The following SPOCK3 variants were observed in gnomAD, a reference collection of about 807,000 sequenced individuals.
SPOCK3 encodes testican-3.
SPOCK3 carries 30 observed loss-of-function variants against 56.6 expected under a neutral mutation model. The observed-to-expected ratio is 0.53, with a 90% CI of 0.40 to 0.72. The LOEUF (loss-of-function observed/expected upper bound fraction) is 0.72. SPOCK3 is among the 30% of genes least tolerant of loss of function. The pLI, the probability that SPOCK3 is intolerant of heterozygous loss-of-function variation, is 0.00. For synonymous variants in SPOCK3, 196 were observed against 183.3 expected (o/e 1.07, Z -0.56); for missense variants, 527 against 530.0 (o/e 0.99, Z 0.06).
chr4:166,973,761 G>A (rs1896478), intron 4 of SPOCK3, among the ~76,000 whole-genome samples: 96,386 of 151,976 alleles, frequency 0.63, 32,994 homozygotes, highest in East Asian at 0.85. Flanking sequence ...TTTAATGGCC[G>A]CTAGAAAAGA....
chr4:166,751,567 ATATGAATAAAC>A (rs1736378415), intron 8 of SPOCK3, among the ~76,000 whole-genome samples: 1 of 152,180 alleles, frequency 6.6e-6, no homozygotes, highest in South Asian at 2.1e-4. Context: ...AAGTTATTGA[ATATGAATAAAC>A]TTCAGTCCTT....
chr4:166,909,230 T>A (rs1736982774), intron 5 of SPOCK3, among the ~76,000 whole-genome samples: 2 of 152,132 alleles, frequency 1.3e-5, no homozygotes, highest in Admixed American at 6.6e-5. Flanking sequence ...GCTGATTAAC[T>A]TCAAAGCTTG....
chr4:166,899,496 ATTTC>A lies in SPOCK3; in HGVS notation c.475-10256_475-10253del, dbSNP rs1423694794. ...ACAAAGTTTGGCATCTGTTCAGTGT[ATTTC>A]TTTCTTTCTTTTTTTTTTTTTTTTG... On this transcript the variant is annotated intron_variant, in intron 5 of 10. Coordinates refer to ENST00000357545, the MANE Select transcript of SPOCK3 (RefSeq NM_001040159.2). 6.1e-5 allele frequency among the ~76,000 whole-genome samples: 6 copies of A among 98,636 alleles called. No individual in the cohort carries two copies. The South Asian group carries it at 1.6e-3, about 26-fold the overall frequency. 64.7% of individuals were successfully genotyped at this position (98,636 alleles called of 152,430 possible).
At chr4:166,970,864 C>A (rs1011239416) in intron 4 of SPOCK3, among the ~76,000 whole-genome samples, 1 of 152,124 alleles carries the variant, frequency 6.6e-6, no homozygotes, top group Non-Finnish European at 1.5e-5. Context: ...ACTCCAACTA[C>A]AGTCATATGA....
intron 4 of SPOCK3, among the ~76,000 whole-genome samples, chr4:166,975,208 C>A (rs1745810535): frequency 6.6e-6 from 1 of 152,122 alleles, no homozygotes; most frequent in Admixed American, 6.6e-5. Flanking sequence ...TATAAATTAT[C>A]CAGTCTCATG....
intron 4 of SPOCK3, among the ~76,000 whole-genome samples, chr4:166,980,244 A>G (rs748569712): frequency 1.8e-4 from 27 of 152,228 alleles, no homozygotes; most frequent in Middle Eastern, 3.2e-3. Context: ...CATCTCTTTT[A>G]TTCATTAATG....
intron 4 of SPOCK3, among the ~76,000 whole-genome samples, chr4:166,994,890 A>G (rs142645011): frequency 6.6e-6 from 1 of 152,158 alleles, no homozygotes; most frequent in Non-Finnish European, 1.5e-5. Flanking sequence ...TCAGCAAAAA[A>G]AGAATGTGGG....
intron 6 of SPOCK3, among the ~76,000 whole-genome samples, chr4:166,879,269 C>A (rs573877482): frequency 6.6e-6 from 1 of 152,248 alleles, no homozygotes; most frequent in African/African-American, 2.4e-5. Context: ...TGGCTCATGC[C>A]TGTAATCCCA....
intron 4 of SPOCK3, among the ~76,000 whole-genome samples, chr4:166,998,003 G>C (rs1748568076): frequency 1.3e-5 from 2 of 152,006 alleles, no homozygotes; most frequent in African/African-American, 2.4e-5. Flanking sequence ...TCAAATCTAA[G>C]ATCTAGATTA....
At chr4:166,944,798 C>A (rs1350732795) in intron 4 of SPOCK3, among the ~76,000 whole-genome samples, 1 of 151,922 alleles carries the variant, frequency 6.6e-6, no homozygotes, top group African/African-American at 2.4e-5. Context: ...TTCCAGTATT[C>A]TTCACTCTAA....
rs1761914196 is a variant in SPOCK3, at chr4:167,122,087, TTC to T, written c.190-59552_190-59551del. Among the ~76,000 whole-genome samples, 6 of 150,240 alleles carry T rather than the reference TTC, an allele frequency of 4.0e-5. No individual in the cohort carries two copies. The South Asian group carries it at 1.3e-3, about 31-fold the overall frequency. On this transcript the variant is annotated intron_variant, in intron 2 of 10. Coordinates refer to ENST00000357545, the MANE Select transcript of SPOCK3 (RefSeq NM_001040159.2). ...CCTCCCTCTTTTCTTTTCCTTTCTT[TTC>T]TTTTTTCTTTTCTCTTCTCTTCTCT...
At chr4:166,971,315 G>T (rs902186419) in intron 4 of SPOCK3, among the ~76,000 whole-genome samples, 1 of 151,862 alleles carries the variant, frequency 6.6e-6, no homozygotes, top group Admixed American at 6.6e-5. Flanking sequence ...GTATTGTTTA[G>T]CTCCAAAAAG....
intron 4 of SPOCK3, among the ~76,000 whole-genome samples, chr4:166,968,717 C>T (rs1745028969): frequency 6.7e-6 from 1 of 150,002 alleles, no homozygotes; most frequent in Non-Finnish European, 1.5e-5. Context: ...AGAACCTCTA[C>T]TAGGGCAGTG....
At chr4:167,124,065 G>A (rs1345001012) in intron 2 of SPOCK3, among the ~76,000 whole-genome samples, 1 of 152,046 alleles carries the variant, frequency 6.6e-6, no homozygotes. Flanking sequence ...ATTCTTAATG[G>A]TATGTTTTCT....
At chr4:166,862,375 G>A (rs965501528) in intron 6 of SPOCK3, among the ~76,000 whole-genome samples, 7 of 151,948 alleles carry the variant, frequency 4.6e-5, no homozygotes, top group Admixed American at 4.6e-4. Context: ...GTAGCAAATT[G>A]AATAAAAAGT....
At chr4:167,088,156 A>G (rs1758376296) in intron 2 of SPOCK3, among the ~76,000 whole-genome samples, 1 of 152,190 alleles carries the variant, frequency 6.6e-6, no homozygotes, top group African/African-American at 2.4e-5. Flanking sequence ...AAAAGTTAAC[A>G]TACAATAGAT....
rs191543529 is a variant in SPOCK3, at chr4:167,040,309, T to C, written c.235+22183A>G. ...AGTGGGAAGGCACAGCACTCAGTGA[T>C]AAATGACATGAGTTGTGGTCCTGGA... On this transcript the variant is annotated intron_variant, in intron 3 of 10. Coordinates refer to ENST00000357545, the MANE Select transcript of SPOCK3 (RefSeq NM_001040159.2). Among the ~76,000 whole-genome samples, 3 of 152,278 alleles carry C rather than the reference T, an allele frequency of 2.0e-5. No individual in the cohort carries two copies. The East Asian group carries it at 5.8e-4, about 29-fold the overall frequency.
rs1469633819 is a variant in SPOCK3 at position 166,950,719 on chromosome 4, G to A, written c.351-37976C>T. On this transcript the variant is annotated intron_variant, in intron 4 of 10. Coordinates refer to ENST00000357545, the MANE Select transcript of SPOCK3 (RefSeq NM_001040159.2). ...TCCTCAGCAAATGTAAAAGAACAGA[G>A]ATTATAACAAACTATCTCTCAGACC... Among the ~76,000 whole-genome samples the A allele has an allele frequency of 2.6e-3, 367 of 140,908 alleles. 1 individual carries two copies. Among genetic ancestry groups the A allele is most frequent in the Non-Finnish European group, 3.1e-3 (203 of 65,720 alleles). 92.4% of individuals were successfully genotyped at this position (140,908 alleles called of 152,430 possible).
intron 6 of SPOCK3, among the ~76,000 whole-genome samples, chr4:166,839,150 T>C (rs912461360): frequency 6.6e-6 from 1 of 152,114 alleles, no homozygotes; most frequent in Non-Finnish European, 1.5e-5. Context: ...TCTATTTTAG[T>C]TGGCTTTTTC....
Sources: allele counts gnomAD v4.1 joint callset (sites outside exome capture counted in the v4.1 genomes callset), GRCh38; gene constraint gnomAD v4.1.1; transcripts MANE v1.5; gene names NCBI Gene and HGNC (gene_info 2026-07-23, HGNC 2026-07-21).